Variants in TNPO1 observed in about 807,000 individuals in gnomAD.
TNPO1 encodes the protein transportin 1.
Under a neutral mutation model 119.5 loss-of-function variants are expected in TNPO1, and 8 were observed. The observed-to-expected ratio is 0.07, with a 90% confidence interval of 0.04 to 0.12. The LOEUF is 0.12. TNPO1 is among the 10% of genes least tolerant of loss of function. The probability of loss-of-function intolerance (pLI) is 1.00; values close to 1 mark genes in which losing one functional copy is unlikely to be tolerated. For missense variants in TNPO1, 576 were observed against 1,089.8 expected, an observed-to-expected ratio of 0.53 and a Z score of 6.64; for synonymous variants, 362 against 363.0, an observed-to-expected ratio of 1.00 and a Z score of 0.03.
rs142401585 is a variant in TNPO1, at chr5:72,908,054, AAAAT to A, written c.*36-642_*36-639del. Among the ~76,000 whole-genome samples, 208 of 152,252 alleles carry A rather than the reference AAAAT, an allele frequency of 1.4e-3. 1 individual carries two copies. The highest frequency in any genetic ancestry group is 4.7e-3 in the African/African-American group (196 of 41,554). On this transcript the variant is annotated intron_variant, in intron 24 of 24. Transcript: ENST00000337273. Reference sequence around the variant, plus strand: ...GGTGACAGAGCAAGGTGCTATCTCCAAAATAAATAAATAAATGTTAAATTTGCTT... The same window carrying A: ...GGTGACAGAGCAAGGTGCTATCTCCAAAATAAATAAATGTTAAATTTGCTT...
intron 5 of TNPO1, among the ~76,000 whole-genome samples, chr5:72,862,993 TGTGTGTG>T (rs1200385402): frequency 0.021 from 293 of 14,182 alleles, 2 homozygotes; most frequent in African/African-American, 0.11. Context: ...TGTGGGTTTT[TGTGTGTG>T]TGTGTGTGTG....
At chr5:72,854,248 G>A (rs1326111963) in intron 3 of TNPO1, among the ~76,000 whole-genome samples, 4 of 152,208 alleles carry the variant, frequency 2.6e-5, no homozygotes, top group Non-Finnish European at 5.9e-5. Context: ...TTGAGACGGA[G>A]TCTCGCAATG....
chr5:72,851,120 T>A, intron 2 of TNPO1, 124 bp from the exon 3 acceptor site: 1 of 654,554 alleles, frequency 1.5e-6, no homozygotes, highest in Non-Finnish European at 2.7e-6. Flanking sequence ...TCCTTATTCT[T>A]AGTTTAAAAA....
chr5:72,836,635 TCTC>T (rs985982381), intron 1 of TNPO1, among the ~76,000 whole-genome samples: 1 of 152,310 alleles, frequency 6.6e-6, no homozygotes, highest in East Asian at 1.9e-4. Context: ...TCCATACTAA[TCTC>T]CTTATCAAAC....
At chr5:72,900,188 A>G in intron 21 of TNPO1, 107 bp downstream of exon 21, 2 of 973,324 alleles carry the variant, frequency 2.1e-6, no homozygotes, top group South Asian at 1.5e-5. Flanking sequence ...ACAATCCTTT[A>G]TCATTGCCAA....
Position 72,905,286 on chromosome 5 carries a change from G to T in TNPO1, c.2590-17G>T, listed in dbSNP as rs1248550218. 5.7e-6 allele frequency: 9 copies of T among 1,579,478 alleles called. No homozygotes were observed. The highest frequency in any genetic ancestry group is 7.8e-6 in the Non-Finnish European group (9 of 1,156,922). On this transcript the variant is annotated splice_polypyrimidine_tract_variant and intron_variant, in intron 23 of 24. Transcript: ENST00000337273. ...TTCTCTTGTTATTGATAAATTAATG[G>T]TTTTTCACTCTTACAGATCCTTCAT...
intron 14 of TNPO1, among the ~76,000 whole-genome samples, chr5:72,890,511 C>A (rs1425942617): frequency 2.6e-5 from 4 of 152,136 alleles, no homozygotes; most frequent in African/African-American, 9.7e-5. Flanking sequence ...GCTCCACATA[C>A]CCTGCTGAAT....
intron 11 of TNPO1, among the ~76,000 whole-genome samples, chr5:72,886,502 C>T (rs947340461): frequency 4.6e-5 from 7 of 152,196 alleles, no homozygotes; most frequent in East Asian, 1.9e-4. Context: ...ATTTGTTTTA[C>T]TGTATAGACA....
rs1222089324 is a variant in TNPO1, at chr5:72,855,857, G to A, written c.289G>A (p.Asp97Asn). The change falls in exon 4 of 25, where the codon GAC becomes AAC. Residue 97 changes from aspartate (D) to asparagine (N), a missense_variant. Asp to Asn is a conservative substitution (Grantham distance 23). Coordinates refer to ENST00000337273, the MANE Select transcript of TNPO1 (RefSeq NM_002270.4). Reference sequence around the variant, plus strand: ...TCAGAACTTCCCAAATGGTGTAACAGACTTTATTAAAAGTGAATGTTTAAA... The same window carrying A: ...TCAGAACTTCCCAAATGGTGTAACAAACTTTATTAAAAGTGAATGTTTAAA... Reference protein sequence around the residue: ...HFQNFPNGVTDFIKSECLNNI... With the variant: ...HFQNFPNGVTNFIKSECLNNI... 6.2e-7 allele frequency: 1 copy of A among 1,613,028 alleles called. No individual in the cohort carries two copies. The highest frequency in any genetic ancestry group is 8.5e-7 in the Non-Finnish European group (1 of 1,179,638).
chr5:72,819,214 GA>G (rs981150016), intron 1 of TNPO1, among the ~76,000 whole-genome samples: 10 of 152,180 alleles, frequency 6.6e-5, no homozygotes, highest in African/African-American at 2.4e-4. Context: ...CAAAGAGGGG[GA>G]AATCTGAGGG....
intron 13 of TNPO1, among the ~76,000 whole-genome samples, chr5:72,888,546 TG>T (rs940701248): frequency 2.0e-5 from 3 of 152,236 alleles, no homozygotes; most frequent in African/African-American, 7.2e-5. Context: ...TTTTGTCATG[TG>T]GGTTTTACCT....
intron 5 of TNPO1, among the ~76,000 whole-genome samples, chr5:72,863,630 G>C (rs991387961): frequency 1.3e-5 from 2 of 151,468 alleles, no homozygotes; most frequent in Non-Finnish European, 2.9e-5. Flanking sequence ...GCATGGTGTC[G>C]AATGCCTGTA....
At chr5:72,863,752 A>G (rs1746663190) in intron 5 of TNPO1, among the ~76,000 whole-genome samples, 1 of 152,048 alleles carries the variant, frequency 6.6e-6, no homozygotes, top group African/African-American at 2.4e-5. Flanking sequence ...AAAAAAAAAA[A>G]AAAAGGCTTT....
At chr5:72,878,968 T>C (rs1748029798) in intron 9 of TNPO1, 1 of 489,762 alleles carries the variant, frequency 2.0e-6, no homozygotes, top group South Asian at 1.5e-5. Context: ...ACTGTTTCCA[T>C]GGGCCCAGAT....
chr5:72,852,330 G>A (rs535355204), intron 3 of TNPO1, among the ~76,000 whole-genome samples: 14 of 152,168 alleles, frequency 9.2e-5, no homozygotes, highest in Non-Finnish European at 1.2e-4. Flanking sequence ...TTTATGGAGC[G>A]CCATCTCTGC....
At chr5:72,902,203 A>C (rs1177346687) in intron 22 of TNPO1, among the ~76,000 whole-genome samples, 1 of 152,160 alleles carries the variant, frequency 6.6e-6, no homozygotes, top group East Asian at 1.9e-4. Context: ...CACATTTCTT[A>C]ATTTTCAAGA....
chr5:72,886,794 CG>C (rs1176751244), intron 11 of TNPO1, among the ~76,000 whole-genome samples: 1 of 144,700 alleles, frequency 6.9e-6, no homozygotes, highest in African/African-American at 2.6e-5. Context: ...GGGGCTAAAG[CG>C]GGAGAATCAC....
intron 7 of TNPO1, 128 bp from the exon 8 acceptor site, chr5:72,875,486 AT>A: frequency 1.2e-6 from 1 of 816,962 alleles, no homozygotes; most frequent in Non-Finnish European, 1.8e-6. Context: ...GTAATCTAAT[AT>A]TGTAGGCCAA....
intron 21 of TNPO1, 103 bp downstream of exon 21, chr5:72,900,184 C>CT (rs1749707955): frequency 1.9e-6 from 2 of 1,046,372 alleles, no homozygotes; most frequent in Non-Finnish European, 2.9e-6. Flanking sequence ...AATCACAATC[C>CT]TTTATCATTG....
Sources: allele counts gnomAD v4.1 joint callset (sites outside exome capture counted in the v4.1 genomes callset), GRCh38; gene constraint gnomAD v4.1.1; transcripts MANE v1.5; gene names NCBI Gene and HGNC (gene_info 2026-07-23, HGNC 2026-07-21).